CLPTM1L: variants seen among roughly 807,000 people sequenced by gnomAD.
CLPTM1L encodes lipid scramblase CLPTM1L.
In CLPTM1L, 38 loss-of-function variants were observed where a neutral mutation model predicts 70.9. The observed-to-expected ratio is 0.54, with a 90% CI of 0.41 to 0.70. The LOEUF (loss-of-function observed/expected upper bound fraction) is 0.70. Among genes scored for constraint, CLPTM1L ranks in the 30% least tolerant of loss-of-function variants. The pLI is 0.00. For missense variants in CLPTM1L, 652 were observed against 705.9 expected, an observed-to-expected ratio of 0.92 and a Z score of 0.87; for synonymous variants, 339 against 299.9, an observed-to-expected ratio of 1.13 and a Z score of -1.35.
intron 10 of CLPTM1L, chr5:1,325,547 G>A (rs1169067310): frequency 1.9e-5 from 11 of 578,026 alleles, no homozygotes; most frequent in South Asian, 4.8e-5. Flanking sequence ...CACTGAAGAC[G>A]GTCAGAACTA....
chr5:1,334,234 G>A (rs772891792), intron 7 of CLPTM1L, 55 bp downstream of exon 7: 17 of 1,366,578 alleles, frequency 1.2e-5, no homozygotes, highest in African/African-American at 7.2e-5. Flanking sequence ...CAGGAGGCCC[G>A]GGGCCCAGGG....
chr5:1,326,384 T>C (rs1752545445), intron 9 of CLPTM1L: 2 of 245,104 alleles, frequency 8.2e-6, no homozygotes, highest in Non-Finnish European at 1.6e-5. Flanking sequence ...TACAGACACA[T>C]TTCATCCAGC....
intron 9 of CLPTM1L, among the ~76,000 whole-genome samples, chr5:1,326,592 T>C (rs1424709883): frequency 5.6e-3 from 758 of 135,464 alleles, no homozygotes; most frequent in African/African-American, 0.014. Flanking sequence ...CAGACACATT[T>C]CATCCAGCTC....
chr5:1,335,694 C>T (rs1413315870), intron 5 of CLPTM1L, among the ~76,000 whole-genome samples: 1 of 152,234 alleles, frequency 6.6e-6, no homozygotes, highest in Non-Finnish European at 1.5e-5. Context: ...GCAAAGCTAG[C>T]AGGGGCAGTA....
At chr5:1,326,733 C>T (rs1752590064) in intron 9 of CLPTM1L, among the ~76,000 whole-genome samples, 1 of 151,608 alleles carries the variant, frequency 6.6e-6, no homozygotes, top group Non-Finnish European at 1.5e-5. Flanking sequence ...TCTACGGGGA[C>T]ATTTCATCCA....
intron 4 of CLPTM1L, chr5:1,338,231 C>G (rs1753707243): frequency 3.5e-6 from 2 of 568,584 alleles, no homozygotes; most frequent in East Asian, 6.0e-5. Context: ...TCCACGGCCA[C>G]TAGGAGCGGG....
At chr5:1,337,822 A>T in intron 5 of CLPTM1L, 82 bp downstream of exon 5, 1 of 1,113,496 alleles carries the variant, frequency 9.0e-7, no homozygotes. Flanking sequence ...GGCCCGGTCC[A>T]TTAGGGTGCA....
In CLPTM1L at chr5:1,323,002, C is replaced by T. The variant is rs77879348; in HGVS notation, c.1281-91G>A. 1,018 of 1,296,432 alleles carry T rather than the reference C, an allele frequency of 7.9e-4. 18 individuals carry two copies. The East Asian group carries it at 0.023, about 30-fold the overall frequency. The allele number at this position is 1,296,432 out of a possible 1,614,324, so 80.3% of individuals were successfully genotyped here. On this transcript the variant is annotated intron_variant, in intron 12 of 16. Transcript: ENST00000320895. ...AAAAATAATTCTTTCATTAAAAATC[C>T]TCTGAAAATACCCAGATGCTCTCAC...
In CLPTM1L at chr5:1,338,323, C is replaced by T. The variant is rs141223298; in HGVS notation, c.600-341G>A. The T allele has an allele frequency of 1.6e-3, 583 of 358,398 alleles. 2 individuals carry two copies. Among genetic ancestry groups the T allele is most frequent in the East Asian group, 6.6e-3 (112 of 17,034 alleles). 22.2% of individuals were successfully genotyped at this position (358,398 alleles called of 1,614,324 possible). ...GGAGCAATCCCAGGATGCACTGACA[C>T]GGAGCAATCCCAGGATGTGGCCACT... On this transcript the variant is annotated intron_variant, in intron 4 of 16. Coordinates refer to ENST00000320895, the MANE Select transcript of CLPTM1L (RefSeq NM_030782.5).
chr5:1,338,403 G>A lies in CLPTM1L; in HGVS notation c.600-421C>T, dbSNP rs1336072293. The A allele has an allele frequency of 2.8e-5, 7 of 254,336 alleles. No homozygotes were observed. In the East Asian group the frequency reaches 5.5e-4, roughly 20 times the overall value. 15.8% of individuals were successfully genotyped at this position (254,336 alleles called of 1,614,324 possible). A position where few individuals can be genotyped will look rare whatever the true frequency, so the allele number is the denominator to read the frequency against. ...ACCTGGGAGGCGGAGCTGTGGCGCA[G>A]GAGTTGGGGGGGGGATCCCCAACAC... On this transcript the variant is annotated intron_variant, in intron 4 of 16. Transcript: ENST00000320895.
intron 10 of CLPTM1L, 26 bp downstream of exon 10, chr5:1,325,725 G>A (rs985310699): frequency 2.5e-6 from 4 of 1,598,680 alleles, no homozygotes; most frequent in East Asian, 2.2e-5. Flanking sequence ...GAGGCTTGGG[G>A]TTCAGCCATT....
chr5:1,338,820 C>G (rs1316163064), intron 4 of CLPTM1L, 40 bp downstream of exon 4: 2 of 1,609,682 alleles, frequency 1.2e-6, no homozygotes, highest in East Asian at 2.2e-5. Context: ...AGGGTCCCAG[C>G]ACCCTCCCCC....
intron 3 of CLPTM1L, among the ~76,000 whole-genome samples, chr5:1,340,853 C>G (rs1233459234): frequency 6.6e-6 from 1 of 152,250 alleles, no homozygotes; most frequent in Non-Finnish European, 1.5e-5. Context: ...CATCATCTCA[C>G]CTCACGGGTT....
chr5:1,329,051 C>G (rs976925696), intron 9 of CLPTM1L, among the ~76,000 whole-genome samples: 2 of 152,182 alleles, frequency 1.3e-5, no homozygotes, highest in Non-Finnish European at 2.9e-5. Flanking sequence ...CCCCCACCCA[C>G]AGGTGGGCCA....
intron 10 of CLPTM1L, 34 bp downstream of exon 10, chr5:1,325,717 G>C: frequency 6.3e-7 from 1 of 1,584,122 alleles, no homozygotes; most frequent in Admixed American, 1.7e-5. Context: ...TCTTCAGAGA[G>C]GCTTGGGGTT....
chr5:1,332,080 G>A (rs1753131399), intron 7 of CLPTM1L, 197 bp from the exon 8 acceptor site: 11 of 590,782 alleles, frequency 1.9e-5, no homozygotes, highest in Non-Finnish European at 2.7e-5. Context: ...GTGCCCAGGC[G>A]GGCTTTGCAG....
chr5:1,330,502 T>A (rs909842150), intron 8 of CLPTM1L, 119 bp from the exon 9 acceptor site: 5 of 709,756 alleles, frequency 7.0e-6, no homozygotes, highest in Non-Finnish European at 1.0e-5. Context: ...AAGCTTCAGG[T>A]ACTCCCCAGT....
At chr5:1,326,234 A>G (rs2111206939) in intron 9 of CLPTM1L, 1 of 248,372 alleles carries the variant, frequency 4.0e-6, no homozygotes, top group Non-Finnish European at 7.8e-6. Context: ...CGGGTGCCAG[A>G]GCCGGGCACG....
At chr5:1,337,267 A>T (rs1199546008) in intron 5 of CLPTM1L, among the ~76,000 whole-genome samples, 1 of 152,264 alleles carries the variant, frequency 6.6e-6, no homozygotes, top group African/African-American at 2.4e-5. Context: ...GAGACATTAA[A>T]TATTAACTGC....
Sources: gnomAD v4.1 joint callset for allele counts (sites outside exome capture counted in the v4.1 genomes callset) on GRCh38, gnomAD v4.1.1 for gene constraint, MANE v1.5 for transcripts, NCBI Gene and HGNC (gene_info 2026-07-23, HGNC 2026-07-21) for gene names.